The following RGS6 variants were observed in gnomAD, a reference collection of about 807,000 sequenced individuals.
The protein encoded by RGS6 is regulator of G protein signaling 6, also known as regulator of G-protein signaling 6.
Under a neutral mutation model 78.5 loss-of-function variants are expected in RGS6, and 30 were observed. The ratio of observed to expected loss-of-function variants is 0.38; its 90% CI spans 0.29 to 0.52. RGS6 has a LOEUF of 0.52. RGS6 is among the 20% of genes least tolerant of loss of function. The probability of loss-of-function intolerance (pLI) is 0.85; values close to 1 mark genes in which losing one functional copy is unlikely to be tolerated. For synonymous variants in RGS6, 206 were observed against 206.0 expected, an observed-to-expected ratio of 1.00 and a Z score of 0.00; for missense variants, 495 against 609.7, an observed-to-expected ratio of 0.81 and a Z score of 1.98.
chr14:72,529,049 C>T (rs904988751), intron 15 of RGS6, among the ~76,000 whole-genome samples: 4 of 152,208 alleles, frequency 2.6e-5, no homozygotes, highest in African/African-American at 4.8e-5. Context: ...CACCCACCCC[C>T]GTTTACTGTC....
chr14:72,310,211 G>A (rs1469478250), intron 2 of RGS6, among the ~76,000 whole-genome samples: 6 of 152,176 alleles, frequency 3.9e-5, no homozygotes, highest in Admixed American at 6.5e-5. Context: ...CTCCAAGGCC[G>A]CCAAGACTCT....
chr14:72,334,386 G>A (rs1035082778), intron 2 of RGS6, among the ~76,000 whole-genome samples: 8 of 152,312 alleles, frequency 5.3e-5, no homozygotes, highest in South Asian at 2.1e-4. Context: ...GGCAGGGCAG[G>A]GGGTGGGGAG....
chr14:72,386,516 C>A (rs528296271), intron 3 of RGS6, among the ~76,000 whole-genome samples: 110 of 152,130 alleles, frequency 7.2e-4, no homozygotes, highest in Middle Eastern at 3.4e-3. Flanking sequence ...CCAGCCTGAG[C>A]GACAGAGCGA....
chr14:71,874,707 C>G, the RGS6 span, among the ~76,000 whole-genome samples: 1 of 152,182 alleles, frequency 6.6e-6, no homozygotes, highest in African/African-American at 2.4e-5. Context: ...GAGAGGGCAT[C>G]CCTGTCTTGT....
At chr14:72,058,645 T>C (rs1381383641) in intron 2 of RGS6, among the ~76,000 whole-genome samples, 2 of 152,234 alleles carry the variant, frequency 1.3e-5, no homozygotes, top group Non-Finnish European at 2.9e-5. Context: ...CACTCACTTA[T>C]GGACCTATAG....
intron 2 of RGS6, among the ~76,000 whole-genome samples, chr14:72,259,441 G>A (rs847232): frequency 0.99 from 150,284 of 152,264 alleles, 74,173 homozygotes; most frequent in East Asian, 1. Context: ...CTATTCTACA[G>A]CATCCTTGTA....
At chr14:72,066,569 C>A (rs2094158071) in intron 2 of RGS6, among the ~76,000 whole-genome samples, 1 of 146,758 alleles carries the variant, frequency 6.8e-6, no homozygotes, top group Non-Finnish European at 1.5e-5. Flanking sequence ...AGTGGCATCT[C>A]CAAGGAATAG....
chr14:72,024,359 A>G (rs936302788), intron 2 of RGS6, among the ~76,000 whole-genome samples: 1 of 152,090 alleles, frequency 6.6e-6, no homozygotes, highest in Non-Finnish European at 1.5e-5. Context: ...GACTTTCTTT[A>G]CTTGAGTCAA....
At chr14:72,186,407 A>T (rs975616020) in intron 2 of RGS6, among the ~76,000 whole-genome samples, 2 of 152,240 alleles carry the variant, frequency 1.3e-5, no homozygotes, top group African/African-American at 4.8e-5. Flanking sequence ...AACTTTTAGC[A>T]TCTGAGGCTT....
chr14:71,950,147 C>G (rs145821686), intron 1 of RGS6, among the ~76,000 whole-genome samples: 1 of 152,246 alleles, frequency 6.6e-6, no homozygotes, highest in African/African-American at 2.4e-5. Context: ...AAGAACAAAG[C>G]TGGAGGCATC....
At chr14:72,541,427 C>T in intron 17 of RGS6, 1 of 1,526,658 alleles carries the variant, frequency 6.6e-7, no homozygotes, top group Non-Finnish European at 8.8e-7. Flanking sequence ...CCCTTCCCTT[C>T]CTCGGTCTTC....
intron 2 of RGS6, among the ~76,000 whole-genome samples, chr14:72,341,490 T>A (rs1452791582): frequency 6.6e-6 from 1 of 152,184 alleles, no homozygotes; most frequent in Non-Finnish European, 1.5e-5. Flanking sequence ...TCAAGTTTCC[T>A]GGAGGAAGTA....
At chr14:72,425,979 C>T (rs2094419524) in intron 3 of RGS6, among the ~76,000 whole-genome samples, 1 of 152,044 alleles carries the variant, frequency 6.6e-6, no homozygotes. Flanking sequence ...AATTGTTTGA[C>T]CTTTATTTTC....
intron 3 of RGS6, among the ~76,000 whole-genome samples, chr14:72,436,065 T>C (rs1171905655): frequency 6.6e-6 from 1 of 152,170 alleles, no homozygotes; most frequent in Non-Finnish European, 1.5e-5. Context: ...CTTTGACCCT[T>C]CTGCCTTTCC....
At chr14:71,992,184 C>T (rs903633544) in intron 2 of RGS6, among the ~76,000 whole-genome samples, 1 of 152,152 alleles carries the variant, frequency 6.6e-6, no homozygotes, top group Non-Finnish European at 1.5e-5. Flanking sequence ...GCCTGCGCCG[C>T]CATGCTTGGC....
At chr14:72,544,070 C>T (rs2097360799) in intron 17 of RGS6, among the ~76,000 whole-genome samples, 1 of 152,220 alleles carries the variant, frequency 6.6e-6, no homozygotes, top group Admixed American at 6.5e-5. Flanking sequence ...TCAGCTTCCA[C>T]AGAGTCTACC....
At chr14:71,965,274 G>A (rs2093442244) in intron 2 of RGS6, among the ~76,000 whole-genome samples, 3 of 152,194 alleles carry the variant, frequency 2.0e-5, no homozygotes, top group Admixed American at 6.5e-5. Context: ...ACAGTTGGTA[G>A]GAGACATAAG....
chr14:72,148,389 C>T (rs1210460878), intron 2 of RGS6, among the ~76,000 whole-genome samples: 1 of 152,072 alleles, frequency 6.6e-6, no homozygotes, highest in Admixed American at 6.6e-5. Context: ...CAGAGTGAGA[C>T]CCTGTCTTTT....
At chr14:72,520,157 T>TAA (rs541257416) in intron 15 of RGS6, among the ~76,000 whole-genome samples, 61 of 152,092 alleles carry the variant, frequency 4.0e-4, no homozygotes, top group African/African-American at 1.4e-3. Context: ...TATGTATCTC[T>TAA]AAAAAAAAGA....
Sources: allele counts gnomAD v4.1 joint callset (sites outside exome capture counted in the v4.1 genomes callset), GRCh38; gene constraint gnomAD v4.1.1; transcripts MANE v1.5; gene names NCBI Gene and HGNC (gene_info 2026-07-23, HGNC 2026-07-21).